IL1RAPL1: variants seen among roughly 807,000 people sequenced by gnomAD.
IL1RAPL1 encodes the protein interleukin-1 receptor accessory protein-like 1.
A neutral mutation model predicts 48.4 loss-of-function variants in IL1RAPL1; 3 were observed. The observed-to-expected ratio is 0.06, with a 90% CI of 0.03 to 0.16. The LOEUF is 0.16. Ranked by LOEUF, IL1RAPL1 falls within the 10% of genes least tolerant of loss-of-function variation. IL1RAPL1 has a pLI of 1.00. For missense variants in IL1RAPL1, 349 were observed against 530.6 expected (o/e 0.66, Z 3.36); for synonymous variants, 185 against 187.7 (o/e 0.99, Z 0.12).
At chrX:28,747,293 G>A (rs1935991042) in intron 1 of IL1RAPL1, among the ~76,000 whole-genome samples, 1 of 111,425 alleles carries the variant, frequency 9.0e-6, no homozygotes, top group Non-Finnish European at 1.9e-5. Flanking sequence ...ATGTACACAT[G>A]TTAACAAGTA....
At chrX:28,921,530 C>T (rs1923616899) in intron 2 of IL1RAPL1, among the ~76,000 whole-genome samples, 1 of 111,394 alleles carries the variant, frequency 9.0e-6, no homozygotes, top group Non-Finnish European at 1.9e-5. Flanking sequence ...TCCCCTTCCT[C>T]CCCAAATCTA....
At chrX:29,721,789 T>C (rs1340502659) in intron 6 of IL1RAPL1, among the ~76,000 whole-genome samples, 2 of 111,887 alleles carry the variant, frequency 1.8e-5, no homozygotes, top group East Asian at 2.8e-4. Flanking sequence ...TACTATGAGA[T>C]TGGACAATGT....
chrX:28,732,118 A>C (rs892430774), intron 1 of IL1RAPL1, among the ~76,000 whole-genome samples: 3 of 112,007 alleles, frequency 2.7e-5, no homozygotes, highest in Admixed American at 9.5e-5. Context: ...TTCGGACTAG[A>C]GGGGAAGTAG....
At chrX:28,927,356 AT>A (rs1028901212) in intron 2 of IL1RAPL1, among the ~76,000 whole-genome samples, 28 of 111,549 alleles carry the variant, frequency 2.5e-4, no homozygotes, top group Non-Finnish European at 4.3e-4. Flanking sequence ...TTCAATATCA[AT>A]TTTTTTGTGT....
intron 2 of IL1RAPL1, among the ~76,000 whole-genome samples, chrX:28,892,111 T>C (rs1212566628): frequency 2.7e-5 from 3 of 111,040 alleles, no homozygotes; most frequent in African/African-American, 9.9e-5. Flanking sequence ...ATATTCTAGA[T>C]GCAAGTTTTC....
chrX:29,513,649 A>G (rs1263400902), intron 5 of IL1RAPL1, among the ~76,000 whole-genome samples: 1 of 112,232 alleles, frequency 8.9e-6, no homozygotes, highest in East Asian at 2.8e-4. Context: ...ATGGCTAGCT[A>G]GAATAAGATG....
At chrX:29,920,794 C>CAAAAAAAAA (rs1176529100) in intron 8 of IL1RAPL1, among the ~76,000 whole-genome samples, 24 of 31,624 alleles carry the variant, frequency 7.6e-4, no homozygotes, top group Admixed American at 1.0e-3. Context: ...GACCCTGTCT[C>CAAAAAAAAA]AAAAAAAAAA....
intron 3 of IL1RAPL1, among the ~76,000 whole-genome samples, chrX:29,356,883 G>A (rs1259090349): frequency 8.1e-5 from 9 of 111,466 alleles, no homozygotes; most frequent in Non-Finnish European, 1.5e-4. Context: ...AGATTCCCAC[G>A]ATTGCTCATT....
intron 6 of IL1RAPL1, among the ~76,000 whole-genome samples, chrX:29,823,621 T>A (rs970079345): frequency 1.8e-5 from 2 of 112,243 alleles, no homozygotes; most frequent in African/African-American, 6.5e-5. Flanking sequence ...AGACTTTCTA[T>A]AAAATAATTA....
chrX:29,196,204 G>A lies in IL1RAPL1; in HGVS notation c.83-86734G>A, dbSNP rs1045243373. On this transcript the variant is annotated intron_variant, in intron 2 of 10. Coordinates refer to ENST00000378993, the MANE Select transcript of IL1RAPL1 (RefSeq NM_014271.4). ...TGAAGAATATTAAGGGCTGAATAAGGTGGAAGCACTTACAACTAATGAGCC... is the reference window on the plus strand; with the variant it reads ...TGAAGAATATTAAGGGCTGAATAAGATGGAAGCACTTACAACTAATGAGCC... Among the ~76,000 whole-genome samples the A allele has an allele frequency of 4.5e-5, 5 of 112,141 alleles. No homozygotes were observed. The South Asian group carries it at 1.1e-3, about 25-fold the overall frequency.
At chrX:29,905,976 G>A (rs998565740) in intron 6 of IL1RAPL1, among the ~76,000 whole-genome samples, 1 of 110,851 alleles carries the variant, frequency 9.0e-6, no homozygotes, top group East Asian at 2.8e-4. Context: ...CAGGTTATAG[G>A]GGGGATAGGA....
At chrX:28,865,771 A>G (rs1922063814) in intron 2 of IL1RAPL1, among the ~76,000 whole-genome samples, 1 of 112,096 alleles carries the variant, frequency 8.9e-6, no homozygotes, top group South Asian at 3.7e-4. Context: ...AAAGCTAGGA[A>G]AGTGTCACAG....
intron 2 of IL1RAPL1, among the ~76,000 whole-genome samples, chrX:28,979,964 A>G (rs1434462138): frequency 2.7e-5 from 3 of 112,433 alleles, no homozygotes; most frequent in Non-Finnish European, 3.8e-5. Flanking sequence ...ATATTTTCAG[A>G]TCATTCCTGA....
intron 5 of IL1RAPL1, among the ~76,000 whole-genome samples, chrX:29,598,273 C>T (rs964917668): frequency 1.8e-5 from 2 of 112,149 alleles, no homozygotes; most frequent in Admixed American, 9.5e-5. Context: ...ATCTTGATTT[C>T]GTTGTTAACC....
At chrX:29,473,804 T>C (rs1263834238) in intron 5 of IL1RAPL1, among the ~76,000 whole-genome samples, 1 of 111,285 alleles carries the variant, frequency 9.0e-6, no homozygotes, top group African/African-American at 3.3e-5. Flanking sequence ...TTTTTCACCC[T>C]GCCTATTTCA....
chrX:29,915,314 G>A (rs954138654), intron 6 of IL1RAPL1, among the ~76,000 whole-genome samples: 1 of 111,397 alleles, frequency 9.0e-6, no homozygotes, highest in Non-Finnish European at 1.9e-5. Flanking sequence ...AGGGGCGGGG[G>A]AGGAATCCAA....
At chrX:29,794,129 G>C (rs746117037) in intron 6 of IL1RAPL1, among the ~76,000 whole-genome samples, 1 of 111,944 alleles carries the variant, frequency 8.9e-6, no homozygotes, top group East Asian at 2.8e-4. Flanking sequence ...GATATGTTCA[G>C]GTCATGCTTT....
chrX:29,053,629 A>G (rs954982904), intron 2 of IL1RAPL1, among the ~76,000 whole-genome samples: 1 of 111,939 alleles, frequency 8.9e-6, no homozygotes, highest in African/African-American at 3.3e-5. Flanking sequence ...AATTTTCATC[A>G]TGAAATCTTT....
intron 6 of IL1RAPL1, among the ~76,000 whole-genome samples, chrX:29,803,547 A>C (rs1055276731): frequency 3.0e-5 from 3 of 99,773 alleles, no homozygotes; most frequent in African/African-American, 1.1e-4. Context: ...ATATATGTAT[A>C]TGTGTGTATA....
Sources: gnomAD v4.1 joint callset for allele counts (sites outside exome capture counted in the v4.1 genomes callset) on GRCh38, gnomAD v4.1.1 for gene constraint, MANE v1.5 for transcripts, NCBI Gene and HGNC (gene_info 2026-07-23, HGNC 2026-07-21) for gene names.